PRR14: variants seen among roughly 807,000 people sequenced by gnomAD.
The protein encoded by PRR14 is proline rich 14, also known as proline-rich protein 14.
Under a neutral mutation model 57.2 loss-of-function variants are expected in PRR14, and 33 were observed. The ratio of observed to expected loss-of-function variants is 0.58; its 90% CI spans 0.44 to 0.77. The LOEUF (loss-of-function observed/expected upper bound fraction) is 0.77. Among genes scored for constraint, PRR14 ranks in the 30% least tolerant of loss-of-function variants. The probability of loss-of-function intolerance (pLI) is 0.00; values close to 1 mark genes in which losing one functional copy is unlikely to be tolerated. For synonymous variants in PRR14, 303 were observed against 314.7 expected, an observed-to-expected ratio of 0.96 and a Z score of 0.39; for missense variants, 716 against 788.1, an observed-to-expected ratio of 0.91 and a Z score of 1.10.
intron 5 of PRR14, 26 bp from the exon 6 acceptor site, chr16:30,653,339 C>A: frequency 6.2e-7 from 1 of 1,613,260 alleles, no homozygotes; most frequent in Non-Finnish European, 8.5e-7. Context: ...CCTGCCTCCC[C>A]ACAAACATCC....
In PRR14 at chr16:30,650,979, T is replaced by C; in HGVS notation, c.-199T>C. ...CCTCCCGGGATTGGAGTGAAGAGGG[T>C]ATCTGCTTGACAGTGGATCCCTGGG... On this transcript the variant is annotated 5_prime_UTR_variant, in exon 1 of 12. Transcript: ENST00000300835. 2.2e-6 allele frequency: 1 copy of C among 453,432 alleles called. No individual in the cohort carries two copies. Among genetic ancestry groups the C allele is most frequent in the Non-Finnish European group, 4.5e-6 (1 of 224,550 alleles). 28.1% of individuals were successfully genotyped at this position (453,432 alleles called of 1,614,324 possible). A position where few individuals can be genotyped will look rare whatever the true frequency, so the allele number is the denominator to read the frequency against.
rs1347595828 is a variant in PRR14 at position 30,655,179 on chromosome 16, G to A, written c.1209G>A (p.Thr403=). ...SPSLTTSCSS[T]ASTSFSEPAE... ...CTCTCACCACATCTTGCTCGTCCAC[G>A]GCATCCACTTCCTTCTCCGAACCAG... Residue 403 remains threonine (T), a synonymous_variant, in exon 8 of 12, where the codon ACG becomes ACA. Coordinates refer to ENST00000300835, the MANE Select transcript of PRR14 (RefSeq NM_024031.5). The surrounding 1 kb of genome is among the most constrained non-coding windows in gnomAD (Gnocchi z 4.6). 5.6e-6 allele frequency: 9 copies of A among 1,599,100 alleles called. No homozygotes were observed. The highest frequency in any genetic ancestry group is 7.7e-6 in the Non-Finnish European group (9 of 1,171,938).
chr16:30,651,843 T>C lies in PRR14; in HGVS notation c.71T>C (p.Leu24Ser). ...TGCCGCCAGCCTCTGACTCGAGCAT[T>C]ATGGGGAGCCAGGAGCCCGAAACGG... The part of the protein sequence containing the change: ...RLCRQPLTRA[L>S]WGARSPKRPR... The change falls in exon 3 of 12, where the codon TTA becomes TCA. Residue 24 changes from leucine to serine, a missense_variant. Coordinates refer to ENST00000300835, the MANE Select transcript of PRR14 (RefSeq NM_024031.5). The surrounding 1 kb of genome is among the most constrained non-coding windows in gnomAD (Gnocchi z 5.0). The C allele has an allele frequency of 6.2e-7, 1 of 1,606,840 alleles. No individual in the cohort carries two copies. Among genetic ancestry groups the C allele is most frequent in the Non-Finnish European group, 8.5e-7 (1 of 1,178,982 alleles).
chr16:30,654,713 C>T lies in PRR14; in HGVS notation c.743C>T (p.Pro248Leu), dbSNP rs761467394. The change falls in exon 8 of 12, where the codon CCG (proline) becomes CTG (leucine). Residue 248 changes from proline (P) to leucine (L), a missense_variant. Transcript: ENST00000300835. ...CGCCTCAGTCCCTGGGGCTTGGCCCCGCTCTTCCGTTCCGTCCGCTCCAAG... is the reference window on the plus strand; with the variant it reads ...CGCCTCAGTCCCTGGGGCTTGGCCCTGCTCTTCCGTTCCGTCCGCTCCAAG... ...RPRLSPWGLAPLFRSVRSKLE... is the reference protein window; with the variant it reads ...RPRLSPWGLALLFRSVRSKLE... 3.1e-6 allele frequency: 5 copies of T among 1,613,780 alleles called. No homozygotes were observed.
At chr16:30,652,237 T>C in intron 3 of PRR14, 1 of 608,250 alleles carries the variant, frequency 1.6e-6, no homozygotes. Context: ...TCTATCTTTT[T>C]TTTTTTTTTA....
In PRR14 at chr16:30,654,786, G is replaced by GCCCCCCCCCCCCGCCCCCCC; in HGVS notation, c.821_822insCCCCCCCGCCCCCCCCCCCC (p.Ser277AlafsTer11). 6.4e-7 allele frequency: 1 copy of GCCCCCCCCCCCCGCCCCCCC among 1,568,090 alleles called. No homozygotes were observed. The highest frequency in any genetic ancestry group is 8.7e-7 in the Non-Finnish European group (1 of 1,145,204). On this transcript the variant is annotated frameshift_variant, in exon 8 of 12. Transcript: ENST00000300835. LOFTEE classifies it high-confidence loss of function. ...TCCTCACGCCCAACAAAACCCCACA[G>GCCCCCCCCCCCCGCCCCCCC]CCCCCACCCCCGTCCCCCCCAATGA...
chr16:30,652,942 G>A lies in PRR14; in HGVS notation c.343G>A (p.Glu115Lys), dbSNP rs370691918. ...TCCCGACCCTCTGTGTTTGTGTCGC[G>A]AGCCCTTGAGCCGCATCCACCGGAC... Reference protein sequence around the residue: ...RPPDPLCLCREPLSRIHRTSS... With the variant: ...RPPDPLCLCRKPLSRIHRTSS... The change falls in exon 5 of 12, where the codon GAG (glutamate) becomes AAG (lysine). Residue 115 changes from glutamate to lysine, a missense_variant. Transcript: ENST00000300835. 9.3e-6 allele frequency: 15 copies of A among 1,613,898 alleles called. No individual in the cohort carries two copies. Among genetic ancestry groups the A allele is most frequent in the Admixed American group, 5.0e-5 (3 of 59,978 alleles).
In PRR14 at chr16:30,651,989, C is replaced by G; in HGVS notation, c.192+25C>G. On this transcript the variant is annotated intron_variant, in intron 3 of 11. Transcript: ENST00000300835. This position sits in a 1 kb window ranked among gnomAD's most constrained non-coding sequence, Gnocchi z 5.0. The stretch of plus-strand genomic sequence containing the variant: ...GGTGAGCCCCCTGAACCAAGAGACT[C>G]TCTATTCCCCCATGACTTTCCTCAC... 1 of 1,520,056 alleles carries G rather than the reference C, an allele frequency of 6.6e-7. No individual in the cohort carries two copies. The highest frequency in any genetic ancestry group is 8.8e-7 in the Non-Finnish European group (1 of 1,136,796). The allele number at this position is 1,520,056 out of a possible 1,614,324, so 94.2% of individuals were successfully genotyped here. A position where few individuals can be genotyped will look rare whatever the true frequency, so the allele number is the denominator to read the frequency against.
chr16:30,653,325 C>A, intron 5 of PRR14, 40 bp from the exon 6 acceptor site: 1 of 1,607,534 alleles, frequency 6.2e-7, no homozygotes, highest in Non-Finnish European at 8.5e-7. Context: ...ACTAAGGGGG[C>A]TTTCCTGCCT....
chr16:30,652,232 C>A, intron 3 of PRR14: 1 of 519,552 alleles, frequency 1.9e-6, no homozygotes, highest in Non-Finnish European at 3.5e-6. Flanking sequence ...TTTTTTCTAT[C>A]TTTTTTTTTT....
In PRR14 at chr16:30,655,234, C is replaced by T. The variant is rs1205286320; in HGVS notation, c.1244+20C>T. 2 of 1,592,478 alleles carry T rather than the reference C, an allele frequency of 1.3e-6. No homozygotes were observed. Among genetic ancestry groups the T allele is most frequent in the Non-Finnish European group, 1.7e-6 (2 of 1,167,170 alleles). On this transcript the variant is annotated intron_variant, in intron 8 of 11. Coordinates refer to ENST00000300835, the MANE Select transcript of PRR14 (RefSeq NM_024031.5). This position sits in a 1 kb window ranked among gnomAD's most constrained non-coding sequence, Gnocchi z 4.6. ...ACCCAGGTAGTGCTCTCAAAAAACC[C>T]CCTTGAAGCCTGGCTGCAGCCTGGT...
At position 30,655,358 on chromosome 16, in the gene PRR14, T is replaced by G; in HGVS notation, c.1252T>G (p.Ser418Ala). 6.2e-7 allele frequency: 1 copy of G among 1,613,984 alleles called. No individual in the cohort carries two copies. Among genetic ancestry groups the G allele is most frequent in the Non-Finnish European group, 8.5e-7 (1 of 1,180,016 alleles). Residue 418 changes from serine to alanine, a missense_variant, in exon 9 of 12, where the codon TCA becomes GCA. Ser to Ala is a moderately conservative substitution (Grantham distance 99). Coordinates refer to ENST00000300835, the MANE Select transcript of PRR14 (RefSeq NM_024031.5). The surrounding 1 kb of genome is among the most constrained non-coding windows in gnomAD (Gnocchi z 4.6). ...FSEPAEPRLG[S>A]TKGKEPRASK... ...CCTTGACCTTCTTGGCAGGTTGGGTTCAACCAAAGGGAAGGAGCCAAGAGC... is the reference window on the plus strand; with the variant it reads ...CCTTGACCTTCTTGGCAGGTTGGGTGCAACCAAAGGGAAGGAGCCAAGAGC...
rs775132033 is a variant in PRR14 at position 30,653,038 on chromosome 16, CG to C, written c.442del (p.Ala148ProfsTer8). 1 of 1,613,912 alleles carries C rather than the reference CG, an allele frequency of 6.2e-7. No individual in the cohort carries two copies. The highest frequency in any genetic ancestry group is 2.2e-5 in the East Asian group (1 of 44,876). On this transcript the variant is annotated frameshift_variant, in exon 5 of 12. Coordinates refer to ENST00000300835, the MANE Select transcript of PRR14 (RefSeq NM_024031.5). LOFTEE classifies it high-confidence loss of function. ...GGAGGGCCCTTCACAAAAGGTGGAC[CG>C]GGCCCCCCAGCCCACCCTGGTGGTG... ...PEEGPSQKVDRAPQPTLVVML... is the reference protein window; with the variant it reads ...PEEGPSQKVDXAPQPTLVVML...
chr16:30,653,927 G>C (rs915712248), intron 6 of PRR14, among the ~76,000 whole-genome samples: 2 of 152,188 alleles, frequency 1.3e-5, no homozygotes, highest in African/African-American at 2.4e-5. Context: ...GCCTCCCAAA[G>C]TGCTGGGATT....
In PRR14 at chr16:30,655,640, G is replaced by C; in HGVS notation, c.1406+47G>C. On this transcript the variant is annotated intron_variant, in intron 10 of 11. Coordinates refer to ENST00000300835, the MANE Select transcript of PRR14 (RefSeq NM_024031.5). This position sits in a 1 kb window ranked among gnomAD's most constrained non-coding sequence, Gnocchi z 4.6. ...GAGCCATCTTGGCCAAACAGATGCAGGCTTATGTCCCCTGAAGTATAGCTT... is the reference window on the plus strand; with the variant it reads ...GAGCCATCTTGGCCAAACAGATGCACGCTTATGTCCCCTGAAGTATAGCTT... The C allele has an allele frequency of 6.5e-7, 1 of 1,541,590 alleles. No individual in the cohort carries two copies. Among genetic ancestry groups the C allele is most frequent in the Non-Finnish European group, 9.0e-7 (1 of 1,115,216 alleles).
At chr16:30,653,501 A>T in intron 6 of PRR14, 93 bp downstream of exon 6, 1 of 1,313,418 alleles carries the variant, frequency 7.6e-7, no homozygotes, top group Non-Finnish European at 1.1e-6. Context: ...GACTGATCCA[A>T]TCCTTCCTTG....
chr16:30,655,185 C>T lies in PRR14; in HGVS notation c.1215C>T (p.Ser405=), dbSNP rs564123997. ...CCACATCTTGCTCGTCCACGGCATCCACTTCCTTCTCCGAACCAGCAGAAC... is the reference window on the plus strand; with the variant it reads ...CCACATCTTGCTCGTCCACGGCATCTACTTCCTTCTCCGAACCAGCAGAAC... ...SLTTSCSSTA[S]TSFSEPAEPR... is the part of the protein sequence containing the mutation. The change falls in exon 8 of 12, where the codon TCC becomes TCT. Residue 405 remains serine (S), a synonymous_variant. Transcript: ENST00000300835. This position sits in a 1 kb window ranked among gnomAD's most constrained non-coding sequence, Gnocchi z 4.6. 1.3e-6 allele frequency: 2 copies of T among 1,598,050 alleles called. No individual in the cohort carries two copies. Among genetic ancestry groups the T allele is most frequent in the South Asian group, 2.2e-5 (2 of 90,084 alleles).
chr16:30,653,101 G>T lies in PRR14; in HGVS notation c.502G>T (p.Glu168Ter). The T allele has an allele frequency of 6.3e-7, 1 of 1,599,980 alleles. No individual in the cohort carries two copies. The highest frequency in any genetic ancestry group is 1.1e-5 in the South Asian group (1 of 89,730). The change falls in exon 5 of 12, where the codon GAG becomes TAG. Residue 168 changes from glutamate (E) to a stop codon, truncating the protein, a stop_gained and splice_region_variant. Coordinates refer to ENST00000300835, the MANE Select transcript of PRR14 (RefSeq NM_024031.5). LOFTEE classifies it high-confidence loss of function. ...CATCGCCAGTCCTAGACCCCCCGCT[G>T]AGGTATGGGAACTGAGGGTACGGAT... ...EDIASPRPPA[E>*]GFIDETPNFI...
rs576330025 is a variant in PRR14 at position 30,654,898 on chromosome 16, C to G, written c.928C>G (p.Arg310Gly). Reference protein sequence around the residue: ...TASVSPRPPIRQWRTQDHNTP... With the variant: ...TASVSPRPPIGQWRTQDHNTP... ...GTCTGTCAGCCCCCGGCCCCCAATC[C>G]GCCAGTGGCGAACTCAGGACCACAA... The change falls in exon 8 of 12, where the codon CGC (arginine) becomes GGC (glycine). Residue 310 changes from arginine to glycine, a missense_variant. Transcript: ENST00000300835. The G allele has an allele frequency of 2.5e-6, 4 of 1,612,208 alleles. No individual in the cohort carries two copies. In the East Asian group the frequency reaches 6.7e-5, roughly 27 times the overall value.
Sources: gnomAD v4.1 joint callset for allele counts (sites outside exome capture counted in the v4.1 genomes callset) on GRCh38, gnomAD v4.1.1 for gene constraint, Gnocchi (gnomAD v3.1) non-coding constraint, MANE v1.5 for transcripts, NCBI Gene and HGNC (gene_info 2026-07-23, HGNC 2026-07-21) for gene names.